Variants in ANK3 observed in about 807,000 individuals in gnomAD.
ANK3 encodes the protein ankyrin-3.
In ANK3, 57 loss-of-function variants were observed where a neutral mutation model predicts 370.9. That is an observed-to-expected ratio of 0.15 (90% CI 0.12 to 0.19). The LOEUF is 0.19. Among genes scored for constraint, ANK3 ranks in the 10% least tolerant of loss-of-function variants. The pLI, the probability that ANK3 is intolerant of heterozygous loss-of-function variation, is 1.00. For synonymous variants in ANK3, 1,929 were observed against 1,946.3 expected (o/e 0.99, Z 0.23); for missense variants, 4,439 against 5,302.1 (o/e 0.84, Z 5.06).
chr10:60,594,046 C>T (rs978040608), intron 2 of ANK3, among the ~76,000 whole-genome samples: 4 of 151,934 alleles, frequency 2.6e-5, no homozygotes, highest in Non-Finnish European at 2.9e-5. Flanking sequence ...GGCAAATGAC[C>T]GATATTCATA....
intron 1 of ANK3, among the ~76,000 whole-genome samples, chr10:60,689,801 A>G (rs1486700667): frequency 6.6e-6 from 1 of 151,804 alleles, no homozygotes; most frequent in African/African-American, 2.4e-5. Context: ...TTTGTAATTT[A>G]TATTTATATA....
At chr10:60,347,251 A>AC (rs1197337233) in intron 1 of ANK3, among the ~76,000 whole-genome samples, 9 of 151,190 alleles carry the variant, frequency 6.0e-5, no homozygotes, top group Non-Finnish European at 8.9e-5. Flanking sequence ...TCTTTACCAA[A>AC]CCCCCCTAGT....
intron 2 of ANK3, among the ~76,000 whole-genome samples, chr10:60,521,627 G>A (rs966894116): frequency 3.3e-5 from 5 of 152,082 alleles, no homozygotes; most frequent in Non-Finnish European, 7.4e-5. Flanking sequence ...TGCAACATTG[G>A]ATAATGCTGT....
rs537051722 is a variant in ANK3, at chr10:60,486,726, T to C, written c.96+128460A>G. On this transcript the variant is annotated intron_variant, in intron 2 of 43. Coordinates refer to the ANK3 transcript ENST00000373827. ...TCTTAAGACATTCCAAGCCATGGAA[T>C]CTTAAGCTAAGAAATAAAAGTTTAA... 4.1e-3 allele frequency among the ~76,000 whole-genome samples: 630 copies of C among 152,310 alleles called. 3 individuals are homozygous for C. The highest frequency in any genetic ancestry group is 0.014 in the African/African-American group (577 of 41,560).
intron 42 of ANK3, among the ~76,000 whole-genome samples, chr10:60,045,553 T>G (rs371880734): frequency 6.6e-5 from 10 of 152,312 alleles, no homozygotes; most frequent in African/African-American, 2.4e-4. Flanking sequence ...AGGATAAAGA[T>G]CTTAAGGATG....
At chr10:60,358,177 A>T (rs531725098) in intron 1 of ANK3, among the ~76,000 whole-genome samples, 1 of 151,822 alleles carries the variant, frequency 6.6e-6, no homozygotes, top group African/African-American at 2.4e-5. Context: ...TTTTCCAGCT[A>T]CTATGTCATT....
chr10:60,247,077 A>G lies in ANK3; in HGVS notation c.799-12291T>C, dbSNP rs185593501. On this transcript the variant is annotated intron_variant, in intron 7 of 43. Transcript: ENST00000280772. The stretch of plus-strand genomic sequence containing the variant: ...ATTGCCCAAGCTGGAGTGCAGTGGC[A>G]TGATCTCGGCTCAATGCAAGCTCTG... Among the ~76,000 whole-genome samples, 98 of 152,248 alleles carry G rather than the reference A, an allele frequency of 6.4e-4. No individual in the cohort carries two copies. In the South Asian group the frequency reaches 9.5e-3, roughly 15 times the overall value.
chr10:60,173,546 T>C (rs2132316869), intron 18 of ANK3, among the ~76,000 whole-genome samples: 1 of 152,332 alleles, frequency 6.6e-6, no homozygotes, highest in African/African-American at 2.4e-5. Context: ...AGACTTGACT[T>C]GTTTATTGAA....
rs1057523290 is a variant in ANK3, at chr10:60,074,942, T to C, written c.5939A>G (p.Asp1980Gly). The change falls in exon 37 of 44, where the codon GAC becomes GGC. Residue 1980 changes from aspartate (D) to glycine (G), a missense_variant. By Grantham distance (94) the Asp-to-Gly change is moderately conservative. This residue lies in a region of ANK3 where 679 missense variants were observed against 791.0 expected (regional missense o/e 0.86). Coordinates refer to ENST00000280772, the MANE Select transcript of ANK3 (RefSeq NM_020987.5). Reference protein sequence around the residue: ...NKGSPKSPKSDKGHSPEDDWI... With the variant: ...NKGSPKSPKSGKGHSPEDDWI... ...GTCATCTTCAGGAGAGTGTCCTTTG[T>C]CACTCTTTGGTGATTTGGGTGATCC... 10 of 1,614,026 alleles carry C rather than the reference T, an allele frequency of 6.2e-6. No individual in the cohort carries two copies. Among genetic ancestry groups the C allele is most frequent in the Non-Finnish European group, 8.5e-6 (10 of 1,180,018 alleles).
chr10:60,327,015 C>CAAAAAAAAAAAAAAAAAAAAAAAA, intron 1 of ANK3, among the ~76,000 whole-genome samples: 1 of 143,026 alleles, frequency 7.0e-6, no homozygotes, highest in Non-Finnish European at 1.5e-5. Flanking sequence ...GACTCCGTCT[C>CAAAAAAAAAAAAAAAAAAAAAAAA]AAAAAAAAAA....
chr10:60,579,487 C>T (rs2077723741), intron 2 of ANK3, among the ~76,000 whole-genome samples: 1 of 151,934 alleles, frequency 6.6e-6, no homozygotes, highest in Non-Finnish European at 1.5e-5. Context: ...TAAGAAGCTC[C>T]TGCCTTATTT....
intron 2 of ANK3, among the ~76,000 whole-genome samples, chr10:60,429,530 A>G (rs776519946): frequency 6.6e-6 from 1 of 152,222 alleles, no homozygotes; most frequent in Non-Finnish European, 1.5e-5. Context: ...AGTGAGTATA[A>G]GAAAGTAAGC....
At chr10:60,512,732 G>A (rs1200515786) in intron 2 of ANK3, among the ~76,000 whole-genome samples, 1 of 152,084 alleles carries the variant, frequency 6.6e-6, no homozygotes, top group East Asian at 1.9e-4. Flanking sequence ...TGGTTCTGAT[G>A]CAGAACAAAG....
chr10:60,296,293 A>T (rs1160695434), intron 1 of ANK3, among the ~76,000 whole-genome samples: 1 of 152,204 alleles, frequency 6.6e-6, no homozygotes, highest in Non-Finnish European at 1.5e-5. Context: ...TAGAAATGAC[A>T]TGTGACAAAT....
chr10:60,101,494 G>T (rs1035934740), intron 28 of ANK3, among the ~76,000 whole-genome samples: 1 of 151,610 alleles, frequency 6.6e-6, no homozygotes, highest in East Asian at 1.9e-4. Flanking sequence ...ATTTGGTGGG[G>T]GGAATGAATG....
chr10:60,646,776 G>A (rs2133357376), intron 1 of ANK3, among the ~76,000 whole-genome samples: 1 of 152,242 alleles, frequency 6.6e-6, no homozygotes, highest in East Asian at 1.9e-4. Flanking sequence ...GGGAAAATGT[G>A]AAAATGTAGA....
chr10:60,431,638 G>A (rs2132979320), intron 2 of ANK3, among the ~76,000 whole-genome samples: 1 of 152,248 alleles, frequency 6.6e-6, no homozygotes, highest in South Asian at 2.1e-4. Flanking sequence ...CACACACTGA[G>A]GCCTGTTAGC....
At chr10:60,355,639 C>T (rs1200599213) in intron 1 of ANK3, among the ~76,000 whole-genome samples, 1 of 152,212 alleles carries the variant, frequency 6.6e-6, no homozygotes, top group East Asian at 1.9e-4. Flanking sequence ...AACCTACTCA[C>T]AAAAGACCAT....
chr10:60,271,499 C>A, intron 4 of ANK3, among the ~76,000 whole-genome samples: 1 of 152,092 alleles, frequency 6.6e-6, no homozygotes, highest in Non-Finnish European at 1.5e-5. Context: ...AGCCACTGCA[C>A]CGAGCCAGTA....
Sources: gnomAD v4.1 joint callset for allele counts (sites outside exome capture counted in the v4.1 genomes callset) on GRCh38, gnomAD v4.1.1 for gene constraint, gnomAD v4.1.1 regional missense constraint, MANE v1.5 for transcripts, NCBI Gene and HGNC (gene_info 2026-07-23, HGNC 2026-07-21) for gene names.